Variants in SFMBT2 observed in about 807,000 individuals in gnomAD.
The protein encoded by SFMBT2 is Scm like with four mbt domains 2, also known as scm-like with four MBT domains protein 2.
SFMBT2 carries 38 observed loss-of-function variants against 110.1 expected under a neutral mutation model. The observed-to-expected ratio is 0.35, with a 90% CI of 0.27 to 0.45. SFMBT2 has a LOEUF of 0.45. SFMBT2 is among the 20% of genes least tolerant of loss of function. The probability of loss-of-function intolerance (pLI) is 1.00; values close to 1 mark genes in which losing one functional copy is unlikely to be tolerated. For synonymous variants in SFMBT2, 425 were observed against 425.4 expected (o/e 1.00, Z 0.01); for missense variants, 1,011 against 1,094.9 (o/e 0.92, Z 1.08).
intron 16 of SFMBT2, among the ~76,000 whole-genome samples, chr10:7,183,178 A>G (rs1451218324): frequency 2.0e-5 from 3 of 152,234 alleles, no homozygotes; most frequent in Non-Finnish European, 4.4e-5. Flanking sequence ...AATAGCAAAG[A>G]CAAAAAAGGT....
At chr10:7,259,169 C>T (rs1024836589) in intron 7 of SFMBT2, among the ~76,000 whole-genome samples, 15 of 152,242 alleles carry the variant, frequency 9.9e-5, no homozygotes, top group Admixed American at 2.6e-4. Context: ...GCTGGGAAGG[C>T]GCAAAACTTC....
chr10:7,310,920 G>A (rs1364376474), intron 4 of SFMBT2, among the ~76,000 whole-genome samples: 1 of 151,800 alleles, frequency 6.6e-6, no homozygotes, highest in Admixed American at 6.6e-5. Flanking sequence ...GGTGGCGGAC[G>A]CCTGTAATCC....
At chr10:7,279,330 T>C (rs1359537287) in intron 6 of SFMBT2, among the ~76,000 whole-genome samples, 1 of 152,190 alleles carries the variant, frequency 6.6e-6, no homozygotes, top group African/African-American at 2.4e-5. Context: ...GAAGCCCAGG[T>C]GCCAGGTGGG....
chr10:7,243,971 T>A (rs1840524579), intron 8 of SFMBT2: 1 of 286,656 alleles, frequency 3.5e-6, no homozygotes, highest in South Asian at 1.3e-4. Context: ...CTTAGAGAAG[T>A]CAACCAATGG....
intron 12 of SFMBT2, 101 bp from the exon 13 acceptor site, chr10:7,202,623 T>C (rs2277224): frequency 2.5e-6 from 4 of 1,588,686 alleles, no homozygotes; most frequent in East Asian, 2.3e-5. Context: ...CATTTTAAAG[T>C]AGCAATTTAA....
At chr10:7,303,982 T>C (rs1842625696) in intron 4 of SFMBT2, among the ~76,000 whole-genome samples, 1 of 152,112 alleles carries the variant, frequency 6.6e-6, no homozygotes, top group African/African-American at 2.4e-5. Flanking sequence ...CGACAGAAGG[T>C]GCTGGCCGAA....
At chr10:7,193,753 C>T (rs1838679869) in intron 15 of SFMBT2, among the ~76,000 whole-genome samples, 1 of 152,190 alleles carries the variant, frequency 6.6e-6, no homozygotes, top group Non-Finnish European at 1.5e-5. Flanking sequence ...GACTACAGGC[C>T]TGGTGATTCA....
chr10:7,311,458 C>T (rs1842855540), intron 4 of SFMBT2, among the ~76,000 whole-genome samples: 1 of 152,226 alleles, frequency 6.6e-6, no homozygotes, highest in Non-Finnish European at 1.5e-5. Flanking sequence ...TAAAGGAGAA[C>T]TTGGCTAATA....
At position 7,171,185 on chromosome 10, in the gene SFMBT2, C is replaced by CTG; in HGVS notation, c.2416-131_2416-130dup. The CTG allele has an allele frequency of 6.8e-7, 1 of 1,479,622 alleles. No individual in the cohort carries two copies. The highest frequency in any genetic ancestry group is 9.2e-7 in the Non-Finnish European group (1 of 1,088,298). 91.7% of individuals were successfully genotyped at this position (1,479,622 alleles called of 1,614,324 possible). On this transcript the variant is annotated intron_variant, in intron 19 of 20. Coordinates refer to ENST00000397167, the MANE Select transcript of SFMBT2 (RefSeq NM_001387889.1). This position sits in a 1 kb window ranked among gnomAD's most constrained non-coding sequence, Gnocchi z 4.9. The stretch of plus-strand genomic sequence containing the variant: ...CTCCCTTTGCTCCCTCACTGGGCAC[C>CTG]TGAAAAAGCTGCACACACTCTCAGT...
At chr10:7,272,767 C>T (rs1841633696) in intron 7 of SFMBT2, among the ~76,000 whole-genome samples, 1 of 152,172 alleles carries the variant, frequency 6.6e-6, no homozygotes, top group South Asian at 2.1e-4. Flanking sequence ...ACTCCAGGGG[C>T]TGACCACCAC....
intron 5 of SFMBT2, 47 bp from the exon 6 acceptor site, chr10:7,284,197 G>T (rs749354337): frequency 1.3e-6 from 2 of 1,587,498 alleles, no homozygotes; most frequent in Non-Finnish European, 1.7e-6. Context: ...TTATTTTAAG[G>T]TTCTCATGGA....
chr10:7,408,356 C>A lies in SFMBT2; in HGVS notation c.-52+2505G>T, dbSNP rs1046274700. Among the ~76,000 whole-genome samples the A allele has an allele frequency of 2.0e-5, 3 of 152,228 alleles. No homozygotes were observed. The highest frequency in any genetic ancestry group is 7.2e-5 in the African/African-American group (3 of 41,468). On this transcript the variant is annotated intron_variant, in intron 1 of 20. Coordinates refer to ENST00000397167, the MANE Select transcript of SFMBT2 (RefSeq NM_001387889.1). This position sits in a 1 kb window ranked among gnomAD's most constrained non-coding sequence, Gnocchi z 5.7. ...CCGCGGGGTCTCCAAGCCAGTGCCG[C>A]TTGCTCCCGGCCCCCACCCACTGAC...
At position 7,188,313 on chromosome 10, in the gene SFMBT2, C is replaced by T. The variant is rs1048487253; in HGVS notation, c.1808+311G>A. Among the ~76,000 whole-genome samples the T allele has an allele frequency of 2.0e-5, 3 of 152,202 alleles. No individual in the cohort carries two copies. The East Asian group carries it at 5.8e-4, about 29-fold the overall frequency. On this transcript the variant is annotated intron_variant, in intron 16 of 20. Transcript: ENST00000397167. ...ATAATGATGAGGGATATCCTCTTTA[C>T]AATTTTCCCCCTTTTGCTCAAATAA...
chr10:7,370,863 C>T, intron 2 of SFMBT2: 2 of 956,514 alleles, frequency 2.1e-6, no homozygotes, highest in Non-Finnish European at 2.5e-6. Context: ...GAAAATGAGG[C>T]CCCAAAGAAT....
intron 4 of SFMBT2, among the ~76,000 whole-genome samples, chr10:7,328,060 T>G (rs1039279902): frequency 3.9e-5 from 6 of 152,240 alleles, no homozygotes; most frequent in Admixed American, 6.5e-5. Context: ...CCCAATTGGC[T>G]TTCCCATTTT....
intron 14 of SFMBT2, among the ~76,000 whole-genome samples, chr10:7,199,121 G>C (rs2131598085): frequency 6.6e-6 from 1 of 152,158 alleles, no homozygotes; most frequent in East Asian, 1.9e-4. Flanking sequence ...TGGGATCACA[G>C]GCATGCACCA....
Position 7,381,787 on chromosome 10 carries a change from A to C in SFMBT2, c.100+12T>G. 6.2e-7 allele frequency: 1 copy of C among 1,608,862 alleles called. No individual in the cohort carries two copies. On this transcript the variant is annotated intron_variant, in intron 2 of 20. Transcript: ENST00000397167. ...TCAAAAATCCAGATGAATCTCGAAAACAAAATCCTACCAGAATCAAGGTCT... is the reference window on the plus strand; with the variant it reads ...TCAAAAATCCAGATGAATCTCGAAACCAAAATCCTACCAGAATCAAGGTCT...
intron 6 of SFMBT2, among the ~76,000 whole-genome samples, chr10:7,279,153 G>A (rs1001313991): frequency 1.3e-5 from 2 of 152,046 alleles, no homozygotes; most frequent in Non-Finnish European, 2.9e-5. Context: ...ACATGACCAG[G>A]GTTAGATCCA....
intron 2 of SFMBT2, among the ~76,000 whole-genome samples, chr10:7,379,846 C>T (rs1184312113): frequency 6.6e-6 from 1 of 152,230 alleles, no homozygotes; most frequent in African/African-American, 2.4e-5. Context: ...CGCTCTCACA[C>T]TTGCCATCCA....
Sources: gnomAD v4.1 joint callset for allele counts (sites outside exome capture counted in the v4.1 genomes callset) on GRCh38, gnomAD v4.1.1 for gene constraint, Gnocchi (gnomAD v3.1) non-coding constraint, MANE v1.5 for transcripts, NCBI Gene and HGNC (gene_info 2026-07-23, HGNC 2026-07-21) for gene names.